Variants in TGM3 observed in about 807,000 individuals in gnomAD.
TGM3 encodes protein-glutamine gamma-glutamyltransferase E.
TGM3 carries 52 observed loss-of-function variants against 73.8 expected under a neutral mutation model. The observed-to-expected ratio is 0.70, with a 90% CI of 0.56 to 0.89. The LOEUF (loss-of-function observed/expected upper bound fraction) is 0.89, where lower values mean the gene tolerates loss of function less well. Ranked by LOEUF, TGM3 falls within the 40% of genes least tolerant of loss-of-function variation. TGM3 has a pLI of 0.00. For synonymous variants in TGM3, 372 were observed against 354.9 expected, an observed-to-expected ratio of 1.05 and a Z score of -0.54; for missense variants, 928 against 909.9, an observed-to-expected ratio of 1.02 and a Z score of -0.26.
In TGM3 at chr20:2,334,430, T is replaced by C. The variant is rs2084337107; in HGVS notation, c.1643-686T>C. Among the ~76,000 whole-genome samples, 1 of 152,204 alleles carries C rather than the reference T, an allele frequency of 6.6e-6. No individual in the cohort carries two copies. Among genetic ancestry groups the C allele is most frequent in the Non-Finnish European group, 1.5e-5 (1 of 68,036 alleles). On this transcript the variant is annotated intron_variant, in intron 10 of 12. Coordinates refer to ENST00000381458, the MANE Select transcript of TGM3 (RefSeq NM_003245.4). This position sits in a 1 kb window ranked among gnomAD's most constrained non-coding sequence, Gnocchi z 4.0. ...AAAAACAGCTTTCCAAAGCTTTGTCTGGCTGGTGTGTGGATGATTTAGAAG... is the reference window on the plus strand; with the variant it reads ...AAAAACAGCTTTCCAAAGCTTTGTCCGGCTGGTGTGTGGATGATTTAGAAG...
rs2084379866 is a variant in TGM3 at position 2,341,018 on chromosome 20, G to A, written c.*437G>A. The A allele has an allele frequency of 6.6e-6, 3 of 453,336 alleles. No individual in the cohort carries two copies. The allele number at this position is 453,336 out of a possible 1,614,324, so 28.1% of individuals were successfully genotyped here. On this transcript the variant is annotated 3_prime_UTR_variant, in exon 13 of 13. Coordinates refer to ENST00000381458, the MANE Select transcript of TGM3 (RefSeq NM_003245.4). ...CACCACAGAGGGCAGGGGATGGTTA[G>A]TCACCTGCCCCAGCACTCACACCCT...
chr20:2,327,156 A>AAC (rs2084292406), intron 8 of TGM3, among the ~76,000 whole-genome samples: 1 of 152,116 alleles, frequency 6.6e-6, no homozygotes, highest in African/African-American at 2.4e-5. Flanking sequence ...AAAGAACATA[A>AAC]ACTATCAAGG....
chr20:2,315,352 C>T (rs2084227714), intron 5 of TGM3, among the ~76,000 whole-genome samples: 1 of 152,204 alleles, frequency 6.6e-6, no homozygotes. Context: ...TGCTGATAGC[C>T]ACTTTGGAGG....
At position 2,328,699 on chromosome 20, in the gene TGM3, G is replaced by A. The variant is rs1825444190; in HGVS notation, c.1333+334G>A. Among the ~76,000 whole-genome samples the A allele has an allele frequency of 1.3e-5, 2 of 152,248 alleles. No individual in the cohort carries two copies. The highest frequency in any genetic ancestry group is 4.1e-4 in the South Asian group (2 of 4,832). On this transcript the variant is annotated intron_variant, in intron 9 of 12. Coordinates refer to ENST00000381458, the MANE Select transcript of TGM3 (RefSeq NM_003245.4). The surrounding 1 kb of genome is among the most constrained non-coding windows in gnomAD (Gnocchi z 5.2). ...TCACAGGGAGAGACATGGCCCCCAT[G>A]AAAGGCCCCCAAGGGCTTTGGGAGA...
chr20:2,329,576 G>T (rs924377659), intron 9 of TGM3, among the ~76,000 whole-genome samples: 15 of 152,110 alleles, frequency 9.9e-5, no homozygotes, highest in African/African-American at 3.6e-4. Flanking sequence ...ACTGCAGATG[G>T]GCTGGAGGTG....
At chr20:2,296,401 C>T (rs1371999190) in intron 1 of TGM3, among the ~76,000 whole-genome samples, 2 of 152,090 alleles carry the variant, frequency 1.3e-5, no homozygotes, top group East Asian at 1.9e-4. Flanking sequence ...CGTCGCCACC[C>T]GTAAAGCCAA....
At position 2,335,672 on chromosome 20, in the gene TGM3, G is replaced by A. The variant is rs184005536; in HGVS notation, c.1800+399G>A. On this transcript the variant is annotated intron_variant, in intron 11 of 12. Transcript: ENST00000381458. ...ATCTGCTGTGTTCTGGGCCATGCCA[G>A]GCTTGAGAATCACAGACAGGCACAG... 3.0e-3 allele frequency among the ~76,000 whole-genome samples: 462 copies of A among 152,322 alleles called. 1 individual carries two copies. Among genetic ancestry groups the A allele is most frequent in the Non-Finnish European group, 5.0e-3 (337 of 68,028 alleles).
rs367713708 is a variant in TGM3, at chr20:2,335,225, G to A, written c.1752G>A (p.Val584=). ...GCAAGGTCCCAGATGAGTCTGAGGT[G>A]GTGGTGGAGCGGGACATCATCCTGG... ...AVCKVPDESE[V]VVERDIILDN... is the part of the protein sequence containing the mutation. Residue 584 remains valine, a synonymous_variant, in exon 11 of 13, where the codon GTG becomes GTA. Coordinates refer to ENST00000381458, the MANE Select transcript of TGM3 (RefSeq NM_003245.4). 18 of 1,614,116 alleles carry A rather than the reference G, an allele frequency of 1.1e-5. No individual in the cohort carries two copies. The Admixed American group carries it at 2.5e-4, about 22-fold the overall frequency.
At chr20:2,322,806 T>C (rs1038574951) in intron 7 of TGM3, among the ~76,000 whole-genome samples, 2 of 152,246 alleles carry the variant, frequency 1.3e-5, no homozygotes, top group Non-Finnish European at 2.9e-5. Flanking sequence ...CTGTGTTAGC[T>C]ATGATCATCC....
At chr20:2,309,945 C>G (rs1041403557) in intron 2 of TGM3, 115 bp downstream of exon 2, 3 of 1,466,148 alleles carry the variant, frequency 2.0e-6, no homozygotes, top group Non-Finnish European at 2.8e-6. Context: ...TAGCCTTGCT[C>G]TGTCATTGAT....
intron 5 of TGM3, 76 bp downstream of exon 5, chr20:2,313,102 C>T: frequency 1.3e-6 from 2 of 1,578,072 alleles, no homozygotes; most frequent in Non-Finnish European, 1.7e-6. Context: ...CACGCACACT[C>T]TTTACATATG....
Position 2,310,319 on chromosome 20 carries a change from T to C in TGM3, c.323T>C (p.Ile108Thr), listed in dbSNP as rs745652639. 1.1e-5 allele frequency: 18 copies of C among 1,614,092 alleles called. No individual in the cohort carries two copies. The highest frequency in any genetic ancestry group is 1.7e-5 in the Admixed American group (1 of 60,006). Residue 108 changes from isoleucine to threonine, a missense_variant, in exon 3 of 13, where the codon ATA becomes ACA. Physicochemically the swap from Ile to Thr is moderately conservative, Grantham distance 89. Coordinates refer to ENST00000381458, the MANE Select transcript of TGM3 (RefSeq NM_003245.4). ...ATCTCCAGTCCTGCCAGCGCACCCA[T>C]AGGACGGTACACAATGGCCCTCCAG... Reference protein sequence around the residue: ...ISISSPASAPIGRYTMALQIF... With the variant: ...ISISSPASAPTGRYTMALQIF...
intron 7 of TGM3, among the ~76,000 whole-genome samples, chr20:2,320,798 C>G (rs1232456600): frequency 6.6e-6 from 1 of 152,200 alleles, no homozygotes; most frequent in African/African-American, 2.4e-5. Context: ...AGCCACCGAG[C>G]AGCAGCCGAA....
rs150302326 is a variant in TGM3 at position 2,328,281 on chromosome 20, C to G, written c.1249C>G (p.His417Asp). The G allele has an allele frequency of 2.3e-4, 376 of 1,614,200 alleles. 1 individual carries two copies. In the African/African-American group the frequency reaches 4.5e-3, roughly 19 times the overall value. The change falls in exon 9 of 13, where the codon CAC becomes GAC. Residue 417 changes from histidine (H) to aspartate (D), a missense_variant. By Grantham distance (81) the His-to-Asp change is moderately conservative. Transcript: ENST00000381458. This position sits in a 1 kb window ranked among gnomAD's most constrained non-coding sequence, Gnocchi z 5.2. ...ACAGTGGAAGAATTCCGTGAACAGT[C>G]ACACCATTGGCAGGTACATCAGCAC... ...GKQWKNSVNS[H>D]TIGRYISTKA...
At position 2,334,004 on chromosome 20, in the gene TGM3, A is replaced by G. The variant is rs527713341; in HGVS notation, c.1643-1112A>G. Among the ~76,000 whole-genome samples the G allele has an allele frequency of 5.3e-5, 8 of 152,322 alleles. No individual in the cohort carries two copies. The East Asian group carries it at 1.4e-3, about 26-fold the overall frequency. On this transcript the variant is annotated intron_variant, in intron 10 of 12. Transcript: ENST00000381458. This position sits in a 1 kb window ranked among gnomAD's most constrained non-coding sequence, Gnocchi z 4.0. The stretch of plus-strand genomic sequence containing the variant: ...CTTCCTCCTCACAGTCTTACCTACA[A>G]GAGTATGTAATACTGTGGGTGCTGG...
chr20:2,317,252 T>TG lies in TGM3; in HGVS notation c.847+10dup. 1 of 1,614,034 alleles carries TG rather than the reference T, an allele frequency of 6.2e-7. No individual in the cohort carries two copies. The highest frequency in any genetic ancestry group is 8.5e-7 in the Non-Finnish European group (1 of 1,179,922). On this transcript the variant is annotated splice_region_variant and intron_variant, in intron 6 of 12. Transcript: ENST00000381458. ...GCTGGGACCCTCAACACAGGTACCT[T>TG]GGGTGTGGTGTGCCTTGGCTGGGTC...
At position 2,309,773 on chromosome 20, in the gene TGM3, A is replaced by G; in HGVS notation, c.124A>G (p.Met42Val). The change falls in exon 2 of 13, where the codon ATG (methionine) becomes GTG (valine). Residue 42 changes from methionine to valine, a missense_variant. Coordinates refer to ENST00000381458, the MANE Select transcript of TGM3 (RefSeq NM_003245.4). ...GAGAGGCCAAAACTTCCAGGTCTTA[A>G]TGATCATGAACAAAGGCCTTGGCTC... ...LRRGQNFQVLMIMNKGLGSNE... is the reference protein window; with the variant it reads ...LRRGQNFQVLVIMNKGLGSNE... 1 of 1,614,212 alleles carries G rather than the reference A, an allele frequency of 6.2e-7. No individual in the cohort carries two copies. The highest frequency in any genetic ancestry group is 8.5e-7 in the Non-Finnish European group (1 of 1,180,030).
At position 2,334,123 on chromosome 20, in the gene TGM3, A is replaced by C. The variant is rs1337725249; in HGVS notation, c.1643-993A>C. ...AGGGCCCCGCGGCCCACAGGGTCAG[A>C]AGAGAGGACTTAAAGCGTGGGGAAG... On this transcript the variant is annotated intron_variant, in intron 10 of 12. Coordinates refer to ENST00000381458, the MANE Select transcript of TGM3 (RefSeq NM_003245.4). This position sits in a 1 kb window ranked among gnomAD's most constrained non-coding sequence, Gnocchi z 4.0. Among the ~76,000 whole-genome samples the C allele has an allele frequency of 6.6e-6, 1 of 152,108 alleles. No individual in the cohort carries two copies. Among genetic ancestry groups the C allele is most frequent in the African/African-American group, 2.4e-5 (1 of 41,424 alleles).
intron 7 of TGM3, among the ~76,000 whole-genome samples, chr20:2,322,858 G>C (rs1923099): frequency 0.57 from 86,460 of 152,012 alleles, 28,134 homozygotes; most frequent in East Asian, 0.82. Flanking sequence ...ATGAGTAATT[G>C]ACATGATAGA....
Sources: gnomAD v4.1 joint callset for allele counts (sites outside exome capture counted in the v4.1 genomes callset) on GRCh38, gnomAD v4.1.1 for gene constraint, Gnocchi (gnomAD v3.1) non-coding constraint, MANE v1.5 for transcripts, NCBI Gene and HGNC (gene_info 2026-07-23, HGNC 2026-07-21) for gene names.